Variants in FRMD4A observed in about 807,000 individuals in gnomAD.
FRMD4A encodes the protein FERM domain-containing protein 4A.
Under a neutral mutation model 129.1 loss-of-function variants are expected in FRMD4A, and 29 were observed. That is an observed-to-expected ratio of 0.22 (90% CI 0.17 to 0.31). The LOEUF is 0.31. Ranked by LOEUF, FRMD4A falls within the 10% of genes least tolerant of loss-of-function variation. FRMD4A has a pLI of 1.00. For synonymous variants in FRMD4A, 634 were observed against 571.6 expected (o/e 1.11, Z -1.56); for missense variants, 1,272 against 1,375.8 (o/e 0.92, Z 1.19).
At chr10:14,133,229 G>A (rs1321673021) in intron 2 of FRMD4A, among the ~76,000 whole-genome samples, 1 of 152,146 alleles carries the variant, frequency 6.6e-6, no homozygotes, top group Admixed American at 6.5e-5. Context: ...TGGGTCGTGA[G>A]GCCTTCAAGA....
At chr10:13,950,197 T>C (rs1250438307) in intron 2 of FRMD4A, among the ~76,000 whole-genome samples, 1 of 152,210 alleles carries the variant, frequency 6.6e-6, no homozygotes, top group Admixed American at 6.5e-5. Context: ...CTTTAGGGGA[T>C]GCTAAATTCC....
chr10:14,319,499 C>T (rs564711126), intron 2 of FRMD4A, among the ~76,000 whole-genome samples: 1 of 152,192 alleles, frequency 6.6e-6, no homozygotes, highest in Admixed American at 6.5e-5. Flanking sequence ...TCTAATGGAA[C>T]TGCATTTAAC....
intron 3 of FRMD4A, among the ~76,000 whole-genome samples, chr10:13,829,272 C>T (rs1314094076): frequency 6.6e-6 from 1 of 152,178 alleles, no homozygotes. Context: ...CACCTCTAAT[C>T]CCAGCACTTT....
chr10:14,116,094 C>T (rs1340379265), intron 2 of FRMD4A, among the ~76,000 whole-genome samples: 2 of 152,208 alleles, frequency 1.3e-5, no homozygotes, highest in Non-Finnish European at 2.9e-5. Context: ...TTCAGAAACA[C>T]ATCAGATCAT....
intron 3 of FRMD4A, among the ~76,000 whole-genome samples, chr10:13,857,775 C>T (rs2094234167): frequency 6.6e-6 from 1 of 151,656 alleles, no homozygotes; most frequent in Admixed American, 6.6e-5. Flanking sequence ...TGGAGATAGA[C>T]ATCTAAGAAT....
At chr10:13,800,839 C>T (rs1052907241) in intron 4 of FRMD4A, among the ~76,000 whole-genome samples, 2 of 152,236 alleles carry the variant, frequency 1.3e-5, no homozygotes, top group African/African-American at 4.8e-5. Context: ...TTATTCCCCA[C>T]ATTAAACTGT....
chr10:13,904,278 T>G (rs1455362574), intron 2 of FRMD4A, among the ~76,000 whole-genome samples: 2 of 152,160 alleles, frequency 1.3e-5, no homozygotes, highest in African/African-American at 2.4e-5. Context: ...CCCCTGTGCT[T>G]CTTGCCTTCT....
chr10:14,224,456 A>T (rs1244020617), intron 2 of FRMD4A, among the ~76,000 whole-genome samples: 4 of 150,546 alleles, frequency 2.7e-5, no homozygotes, highest in Admixed American at 2.6e-4. Context: ...CCTCATTTCC[A>T]CTCCTACTCA....
At chr10:13,685,740 TG>T (rs1217865637) in intron 15 of FRMD4A, 1 of 518,932 alleles carries the variant, frequency 1.9e-6, no homozygotes, top group Non-Finnish European at 2.5e-6. Context: ...CCCAGGAGTT[TG>T]AGGCTGGAGT....
intron 16 of FRMD4A, among the ~76,000 whole-genome samples, chr10:13,672,348 G>A (rs919362685): frequency 5.3e-5 from 8 of 151,402 alleles, no homozygotes; most frequent in Admixed American, 2.6e-4. Flanking sequence ...TGTTTATTCC[G>A]CAACTTTTTT....
At chr10:13,749,003 C>CT (rs1297885126) in intron 8 of FRMD4A, among the ~76,000 whole-genome samples, 1 of 152,228 alleles carries the variant, frequency 6.6e-6, no homozygotes, top group African/African-American at 2.4e-5. Flanking sequence ...AACCAGCCTT[C>CT]TTCAGGTGAC....
At chr10:14,095,870 C>A (rs535351577) in intron 2 of FRMD4A, among the ~76,000 whole-genome samples, 181 of 152,290 alleles carry the variant, frequency 1.2e-3, no homozygotes, top group Non-Finnish European at 2.1e-3. Flanking sequence ...ATAGAAATGG[C>A]CAGAGCACTC....
At chr10:14,016,739 G>T (rs1488005952) in intron 2 of FRMD4A, among the ~76,000 whole-genome samples, 1 of 152,178 alleles carries the variant, frequency 6.6e-6, no homozygotes, top group Non-Finnish European at 1.5e-5. Context: ...GGGCAGGGAG[G>T]AAAATGCACC....
At chr10:14,056,559 C>T (rs1346567396) in intron 2 of FRMD4A, among the ~76,000 whole-genome samples, 2 of 152,070 alleles carry the variant, frequency 1.3e-5, no homozygotes, top group Non-Finnish European at 2.9e-5. Context: ...CCCCCTCCAC[C>T]CTCTGTAACT....
At chr10:13,945,740 G>A (rs1273088232) in intron 2 of FRMD4A, among the ~76,000 whole-genome samples, 2 of 152,178 alleles carry the variant, frequency 1.3e-5, no homozygotes, top group African/African-American at 4.8e-5. Flanking sequence ...TATAGAGCCA[G>A]GGTCACCCCA....
intron 2 of FRMD4A, among the ~76,000 whole-genome samples, chr10:14,051,281 C>A (rs1230429037): frequency 7.2e-5 from 11 of 152,190 alleles, no homozygotes; most frequent in Non-Finnish European, 1.2e-4. Context: ...AAGCTACACT[C>A]CCAGGTCATG....
At chr10:13,875,870 A>G (rs1183607832) in intron 2 of FRMD4A, among the ~76,000 whole-genome samples, 2 of 152,168 alleles carry the variant, frequency 1.3e-5, no homozygotes, top group East Asian at 3.8e-4. Flanking sequence ...ACAGGTATAA[A>G]CTAGGACTGT....
At chr10:14,141,556 A>C (rs1589063031) in intron 2 of FRMD4A, among the ~76,000 whole-genome samples, 1 of 145,788 alleles carries the variant, frequency 6.9e-6, no homozygotes, top group Non-Finnish European at 1.5e-5. Context: ...ACATTGCTCC[A>C]CCTTCTGCCC....
chr10:14,166,941 C>T (rs1169947417), intron 2 of FRMD4A, among the ~76,000 whole-genome samples: 1 of 152,128 alleles, frequency 6.6e-6, no homozygotes, highest in Non-Finnish European at 1.5e-5. Context: ...ATTTCTGTAC[C>T]ATGCTATGTA....
Sources: allele counts gnomAD v4.1 joint callset (sites outside exome capture counted in the v4.1 genomes callset), GRCh38; gene constraint gnomAD v4.1.1; transcripts MANE v1.5; gene names NCBI Gene and HGNC (gene_info 2026-07-23, HGNC 2026-07-21).